Variants in RNF14 observed in about 807,000 individuals in gnomAD.
RNF14 encodes the protein E3 ubiquitin-protein ligase RNF14.
RNF14 carries 26 observed loss-of-function variants against 52.6 expected under a neutral mutation model. That is an observed-to-expected ratio of 0.49 (90% confidence interval 0.36 to 0.69). The LOEUF is 0.69. Ranked by LOEUF, RNF14 falls within the 30% of genes least tolerant of loss-of-function variation. The probability of loss-of-function intolerance (pLI) is 0.00; values close to 1 mark genes in which losing one functional copy is unlikely to be tolerated. For synonymous variants in RNF14, 194 were observed against 202.0 expected (o/e 0.96, Z 0.34); for missense variants, 404 against 560.4 (o/e 0.72, Z 2.82).
At chr5:141,949,487 G>A in the RNF14 span, 1 of 1,614,010 alleles carries the variant, frequency 6.2e-7, no homozygotes, top group African/African-American at 1.3e-5. Flanking sequence ...GCTTCACAGA[G>A]AGGTCCTCTT....
At chr5:141,955,733 G>A (rs866784886), upstream of RNF14, 1 of 1,614,086 alleles carries the variant, frequency 6.2e-7, no homozygotes, top group Non-Finnish European at 8.5e-7. This position sits in a 1 kb window ranked among gnomAD's most constrained non-coding sequence, Gnocchi z 5.5. Flanking sequence ...CCAGGCTTGC[G>A]GGCTGAGTCC....
intron 3 of RNF14, among the ~76,000 whole-genome samples, chr5:141,974,031 C>G (rs1754029080): frequency 1.3e-5 from 2 of 152,128 alleles, no homozygotes; most frequent in South Asian, 4.1e-4. Context: ...TAGCAGTAAT[C>G]AAAGAGAAAA....
Position 141,974,963 on chromosome 5 carries a change from T to C in RNF14, c.306+8T>C. Reference sequence around the variant, plus strand: ...TGGCTGTCACCAACTCAGGTTAGACTTGAAACTTAATTTTTCCTATCCATT... The same window carrying C: ...TGGCTGTCACCAACTCAGGTTAGACCTGAAACTTAATTTTTCCTATCCATT... On this transcript the variant is annotated splice_region_variant and intron_variant, in intron 4 of 8. Coordinates refer to ENST00000394520, the MANE Select transcript of RNF14 (RefSeq NM_004290.5). The C allele has an allele frequency of 1.2e-6, 2 of 1,611,482 alleles. No homozygotes were observed. Among genetic ancestry groups the C allele is most frequent in the Non-Finnish European group, 1.7e-6 (2 of 1,179,312 alleles).
At chr5:141,962,408 A>T (rs1302599188), upstream of RNF14, among the ~76,000 whole-genome samples, 12 of 152,232 alleles carry the variant, frequency 7.9e-5, no homozygotes, top group Admixed American at 7.9e-4. Flanking sequence ...GAAAATTCAT[A>T]CTTTTCCCTT....
In RNF14 at chr5:141,973,564, C is replaced by T. The variant is rs1753989356; in HGVS notation, c.-6-19C>T. On this transcript the variant is annotated intron_variant, in intron 2 of 8. Transcript: ENST00000394520. Reference sequence around the variant, plus strand: ...GCCTCTGTGCATTTTCTGTTCTTAACTGATTTTAATGTTTTCAGGTCCTTA... The same window carrying T: ...GCCTCTGTGCATTTTCTGTTCTTAATTGATTTTAATGTTTTCAGGTCCTTA... 1.7e-5 allele frequency: 27 copies of T among 1,598,708 alleles called. No individual in the cohort carries two copies. The East Asian group carries it at 5.8e-4, about 34-fold the overall frequency.
In RNF14 at chr5:141,978,444, T is replaced by G; in HGVS notation, c.448T>G (p.Ser150Ala). Residue 150 changes from serine (S) to alanine (A), a missense_variant, in exon 5 of 9, where the codon TCT becomes GCT. By Grantham distance (99) the Ser-to-Ala change is moderately conservative. Coordinates refer to ENST00000394520, the MANE Select transcript of RNF14 (RefSeq NM_004290.5). ...IVSPFELKIG[S>A]QKKVQRRTAQ... ...CTCTCCTTTTGAGCTCAAGATTGGT[T>G]CTCAGAAAAAAGTGCAGAGAAGGAC... 6.2e-7 allele frequency: 1 copy of G among 1,614,114 alleles called. No individual in the cohort carries two copies.
intron 1 of RNF14, among the ~76,000 whole-genome samples, chr5:141,960,850 T>G (rs1026514892): frequency 6.6e-6 from 1 of 152,062 alleles, no homozygotes; most frequent in African/African-American, 2.4e-5. Context: ...GGGAGCCTAG[T>G]TGAGAGTAAT....
upstream of RNF14, chr5:141,957,431 C>G (rs763856554): frequency 9.9e-6 from 16 of 1,612,522 alleles, no homozygotes; most frequent in Non-Finnish European, 8.5e-7. The surrounding 1 kb of genome is among the most constrained non-coding windows in gnomAD (Gnocchi z 4.3). Flanking sequence ...ATTTCCAGCT[C>G]CTGCTCGCCT....
intron 6 of RNF14, among the ~76,000 whole-genome samples, chr5:141,980,805 A>C (rs1754700311): frequency 6.6e-6 from 1 of 152,208 alleles, no homozygotes; most frequent in African/African-American, 2.4e-5. Context: ...TTCTATATAC[A>C]AACATGGAAT....
chr5:141,968,831 T>A (rs910878039), upstream of RNF14: 7 of 152,280 alleles, frequency 4.6e-5, no homozygotes, highest in Non-Finnish European at 7.3e-5. Flanking sequence ...GGGATTGTTG[T>A]GAGAGTCTCT....
At chr5:141,979,398 G>GGGCA (rs1754563106) in intron 5 of RNF14, among the ~76,000 whole-genome samples, 3 of 151,978 alleles carry the variant, frequency 2.0e-5, no homozygotes, top group Non-Finnish European at 4.4e-5. Flanking sequence ...ACAGGCACCC[G>GGGCA]CCACCATGCC....
chr5:141,984,987 G>GTGGT, intron 8 of RNF14, 54 bp downstream of exon 8: 1 of 1,493,028 alleles, frequency 6.7e-7, no homozygotes, highest in Non-Finnish European at 9.3e-7. Context: ...TACTTGATTT[G>GTGGT]CAGACCACAA....
chr5:141,955,460 C>T, upstream of RNF14: 3 of 1,614,096 alleles, frequency 1.9e-6, no homozygotes, highest in South Asian at 1.1e-5. This position sits in a 1 kb window ranked among gnomAD's most constrained non-coding sequence, Gnocchi z 5.5. Context: ...TCCTTGTCCA[C>T]ATCTTTGTGG....
upstream of RNF14, among the ~76,000 whole-genome samples, chr5:141,965,164 G>C (rs576922506): frequency 6.6e-6 from 1 of 152,136 alleles, no homozygotes; most frequent in Admixed American, 6.5e-5. Flanking sequence ...GAGTGCTTGC[G>C]AGTGGTGGCC....
chr5:141,980,262 C>T lies in RNF14; in HGVS notation c.974C>T (p.Thr325Ile). 1 of 1,614,238 alleles carries T rather than the reference C, an allele frequency of 6.2e-7. No individual in the cohort carries two copies. The highest frequency in any genetic ancestry group is 8.5e-7 in the Non-Finnish European group (1 of 1,180,042). The change falls in exon 6 of 9, where the codon ACC (threonine) becomes ATC (isoleucine). Residue 325 changes from threonine to isoleucine, a missense_variant. Transcript: ENST00000394520. ...QLPVMQEPGC[T>I]MGICSSCNFA... ...CCTGTGATGCAGGAACCTGGCTGCA[C>T]CATGGGTATCTGCTCCAGCTGCAAT...
upstream of RNF14, chr5:141,956,496 G>A: frequency 6.2e-7 from 1 of 1,614,248 alleles, no homozygotes. Flanking sequence ...TGTCGTTGAT[G>A]TCACTGATCT....
At chr5:141,987,640 G>A (rs879041404) in intron 8 of RNF14, 93 bp from the exon 9 acceptor site, 2 of 1,214,848 alleles carry the variant, frequency 1.6e-6, no homozygotes, top group South Asian at 2.4e-5. Flanking sequence ...GTACAAAGAT[G>A]TTATAAGAGT....
intron 6 of RNF14, chr5:141,982,804 A>G (rs1754898334): frequency 6.6e-6 from 1 of 152,172 alleles, no homozygotes; most frequent in African/African-American, 2.4e-5. Flanking sequence ...GTGCCTTTGT[A>G]TTTGGTAGGC....
At chr5:141,979,410 G>A (rs1453882215) in intron 5 of RNF14, among the ~76,000 whole-genome samples, 3 of 152,040 alleles carry the variant, frequency 2.0e-5, no homozygotes, top group Non-Finnish European at 4.4e-5. Flanking sequence ...CACCATGCCC[G>A]GCTAATTTTT....
Sources: allele counts gnomAD v4.1 joint callset (sites outside exome capture counted in the v4.1 genomes callset), GRCh38; gene constraint gnomAD v4.1.1; non-coding constraint Gnocchi (gnomAD v3.1); transcripts MANE v1.5; gene names NCBI Gene and HGNC (gene_info 2026-07-23, HGNC 2026-07-21).